TUBB8B: variants seen among roughly 807,000 people sequenced by gnomAD.
TUBB8B encodes the protein HSA18p11 beta-tubulin 4Q pseudogene.
A neutral mutation model predicts 31.9 loss-of-function variants in TUBB8B; 26 were observed. That is an observed-to-expected ratio of 0.81 (90% confidence interval 0.60 to 1.13). TUBB8B has a LOEUF of 1.13. Ranked by LOEUF, TUBB8B falls within the 50% of genes most tolerant of loss-of-function variation. The pLI is 0.00. For synonymous variants in TUBB8B, 173 were observed against 231.0 expected (o/e 0.75, Z 2.28); for missense variants, 467 against 586.7 (o/e 0.80, Z 2.11).
chr18:57,903 C>CT, the TUBB8B span, among the ~76,000 whole-genome samples: 1 of 151,930 alleles, frequency 6.6e-6, no homozygotes, highest in Non-Finnish European at 1.5e-5. Context: ...GCTACCAAGG[C>CT]TTATGGCTTG....
At chr18:48,761 G>A (rs1257966337) in intron 3 of TUBB8B, 179 bp downstream of exon 3, 2 of 708,430 alleles carry the variant, frequency 2.8e-6, no homozygotes, top group Non-Finnish European at 5.1e-6. Flanking sequence ...ACCTTGAGGA[G>A]ACACCGGGGC....
the TUBB8B span, among the ~76,000 whole-genome samples, chr18:64,896 A>G: frequency 6.6e-6 from 1 of 152,162 alleles, no homozygotes; most frequent in Non-Finnish European, 1.5e-5. Flanking sequence ...GCTAAATAGT[A>G]AACCAACCCA....
At chr18:62,999 G>C in the TUBB8B span, among the ~76,000 whole-genome samples, 1 of 151,382 alleles carries the variant, frequency 6.6e-6, no homozygotes, top group African/African-American at 2.4e-5. Context: ...TTTCAATCTC[G>C]TTAAATTTAT....
At chr18:64,164 A>T in the TUBB8B span, among the ~76,000 whole-genome samples, 1 of 152,024 alleles carries the variant, frequency 6.6e-6, no homozygotes, top group Non-Finnish European at 1.5e-5. Context: ...CCTAACCATT[A>T]CCCCAACCCT....
At chr18:63,471 G>A in the TUBB8B span, among the ~76,000 whole-genome samples, 2 of 151,206 alleles carry the variant, frequency 1.3e-5, no homozygotes, top group East Asian at 3.9e-4. Flanking sequence ...AAGCCATGTG[G>A]AGCTGGAGTT....
the TUBB8B span, among the ~76,000 whole-genome samples, chr18:56,577 C>CT: frequency 1.3e-5 from 2 of 151,826 alleles, no homozygotes; most frequent in South Asian, 4.2e-4. Context: ...TTATTTGTGG[C>CT]TATTGCAAAT....
At chr18:50,233 A>C (rs1431637289), upstream of TUBB8B, 1 of 187,414 alleles carries the variant, frequency 5.3e-6, no homozygotes, top group Non-Finnish European at 1.1e-5. Context: ...CTGCTGTGAA[A>C]GATGGGCCAT....
chr18:63,328 G>T, the TUBB8B span, among the ~76,000 whole-genome samples: 2 of 151,820 alleles, frequency 1.3e-5, no homozygotes, highest in African/African-American at 4.8e-5. Context: ...CAAAAGCACA[G>T]TAGCAAACAT....
upstream of TUBB8B, among the ~76,000 whole-genome samples, chr18:54,529 T>TC (rs1423410230): frequency 1.3e-5 from 2 of 151,728 alleles, no homozygotes; most frequent in African/African-American, 4.8e-5. Flanking sequence ...CTAACCCCGT[T>TC]CCCCCACTGC....
At chr18:55,891 T>G in the TUBB8B span, among the ~76,000 whole-genome samples, 1 of 151,824 alleles carries the variant, frequency 6.6e-6, no homozygotes, top group Non-Finnish European at 1.5e-5. Flanking sequence ...GGGGCATTAT[T>G]TAAGAAATTT....
At chr18:50,417 T>C (rs1906039327), upstream of TUBB8B, 1 of 154,498 alleles carries the variant, frequency 6.5e-6, no homozygotes, top group African/African-American at 2.4e-5. Context: ...TTGCCAGTTC[T>C]CACCTGGATA....
chr18:50,134 C>T (rs985675756), upstream of TUBB8B: 12 of 343,426 alleles, frequency 3.5e-5, no homozygotes, highest in African/African-American at 2.6e-4. Flanking sequence ...GTAGGATTAG[C>T]CCTTTCACCT....
At chr18:68,980 G>A in the TUBB8B span, among the ~76,000 whole-genome samples, 3 of 152,192 alleles carry the variant, frequency 2.0e-5, no homozygotes, top group Non-Finnish European at 4.4e-5. Flanking sequence ...AGTCACTGCA[G>A]GTGTGGTATC....
upstream of TUBB8B, chr18:49,706 C>T (rs1338397131): frequency 2.1e-5 from 15 of 700,892 alleles, no homozygotes; most frequent in East Asian, 1.4e-4. Flanking sequence ...AACAGCTTTA[C>T]TTCCACACAG....
At chr18:63,202 A>G in the TUBB8B span, among the ~76,000 whole-genome samples, 1 of 151,692 alleles carries the variant, frequency 6.6e-6, no homozygotes, top group South Asian at 2.1e-4. Context: ...ATGTTCATCC[A>G]TATCTGGGCA....
chr18:67,010 T>TTTC, the TUBB8B span, among the ~76,000 whole-genome samples: 1 of 151,534 alleles, frequency 6.6e-6, no homozygotes, highest in Non-Finnish European at 1.5e-5. Flanking sequence ...TTTTTTTTTT[T>TTTC]CCAGAAACGG....
At chr18:54,580 C>T (rs893621599), upstream of TUBB8B, among the ~76,000 whole-genome samples, 1 of 151,908 alleles carries the variant, frequency 6.6e-6, no homozygotes, top group African/African-American at 2.4e-5. Flanking sequence ...CTCTCTATGA[C>T]ATCAATTATT....
rs1377454571 is a variant in TUBB8B at position 47,383 on chromosome 18, G to A, written c.*7C>T. On this transcript the variant is annotated 3_prime_UTR_variant, in exon 4 of 4. Coordinates refer to ENST00000308911, the MANE Select transcript of TUBB8B (RefSeq NM_001358689.2). Reference sequence around the variant, plus strand: ...TGCTTCCCCCCTTTACCTAGAAAAGGAGAGTTCTAGGCCACCTCCTCCTCG... The same window carrying A: ...TGCTTCCCCCCTTTACCTAGAAAAGAAGAGTTCTAGGCCACCTCCTCCTCG... 1 of 839,904 alleles carries A rather than the reference G, an allele frequency of 1.2e-6. No individual in the cohort carries two copies. The highest frequency in any genetic ancestry group is 1.9e-6 in the Non-Finnish European group (1 of 513,786). 52.0% of individuals were successfully genotyped at this position (839,904 alleles called of 1,614,324 possible).
At position 47,694 on chromosome 18, in the gene TUBB8B, C is replaced by G; in HGVS notation, c.1031G>C (p.Trp344Ser). The part of the protein sequence containing the change: ...QDKNSSYFAD[W>S]FPDNVKTAVC... The stretch of plus-strand genomic sequence containing the variant: ...GGCTGTTTTTACGTTGTCGGGGAAC[C>G]AGTCAGCAAAGTAGCTGCTGTTCTT... The change falls in exon 4 of 4, where the codon TGG becomes TCG. Residue 344 changes from tryptophan (W) to serine (S), a missense_variant. Trp to Ser is a radical substitution (Grantham distance 177). Coordinates refer to ENST00000308911, the MANE Select transcript of TUBB8B (RefSeq NM_001358689.2). 6.2e-7 allele frequency: 1 copy of G among 1,612,046 alleles called. No homozygotes were observed. The highest frequency in any genetic ancestry group is 1.1e-5 in the South Asian group (1 of 90,990).
Sources: gnomAD v4.1 joint callset for allele counts (sites outside exome capture counted in the v4.1 genomes callset) on GRCh38, gnomAD v4.1.1 for gene constraint, MANE v1.5 for transcripts, NCBI Gene and HGNC (gene_info 2026-07-23, HGNC 2026-07-21) for gene names.